MPZL1: variants seen among roughly 807,000 people sequenced by gnomAD.
MPZL1 encodes myelin protein zero like 1.
Under a neutral mutation model 29.3 loss-of-function variants are expected in MPZL1, and 16 were observed. The ratio of observed to expected loss-of-function variants is 0.55; its 90% CI spans 0.37 to 0.83. The LOEUF is 0.83. Among genes scored for constraint, MPZL1 ranks in the 40% least tolerant of loss-of-function variants. MPZL1 has a pLI of 0.00. For synonymous variants in MPZL1, 143 were observed against 132.0 expected (o/e 1.08, Z -0.57); for missense variants, 279 against 332.9 (o/e 0.84, Z 1.26).
intron 1 of MPZL1, among the ~76,000 whole-genome samples, chr1:167,745,502 C>G (rs1336304797): frequency 6.6e-6 from 1 of 152,002 alleles, no homozygotes; most frequent in Non-Finnish European, 1.5e-5. Flanking sequence ...TGGGTTAACA[C>G]TGATGATGCT....
At chr1:167,722,363 G>A (rs1440843682) in intron 1 of MPZL1, 121 bp downstream of exon 1, 2 of 1,224,284 alleles carry the variant, frequency 1.6e-6, no homozygotes, top group Non-Finnish European at 2.0e-6. Context: ...GAGGGGGCGC[G>A]GCCTGCGCTC....
rs1661632882 is a variant in MPZL1, at chr1:167,788,414, T to C, written c.*493T>C. The C allele has an allele frequency of 6.5e-6, 1 of 152,852 alleles. No individual in the cohort carries two copies. The highest frequency in any genetic ancestry group is 1.5e-5 in the Non-Finnish European group (1 of 68,222). The allele number at this position is 152,852 out of a possible 1,614,324, so 9.5% of individuals were successfully genotyped here. ...GGCCTTTAGCACAGTATCAGTACCA[T>C]TTATTTGTCTGCCGCTTTTAAAAAA... is the stretch of plus-strand genomic sequence containing the variant. On this transcript the variant is annotated 3_prime_UTR_variant, in exon 6 of 6. Transcript: ENST00000359523.
At chr1:167,767,859 G>A (rs1007998712) in intron 2 of MPZL1, among the ~76,000 whole-genome samples, 72 of 35,690 alleles carry the variant, frequency 2.0e-3, no homozygotes, top group African/African-American at 0.02. Context: ...TAATCATTTT[G>A]TTTTGTTTTG....
intron 1 of MPZL1, among the ~76,000 whole-genome samples, chr1:167,739,290 T>TATATATATAC (rs1553254301): frequency 1.8e-4 from 17 of 92,742 alleles, no homozygotes; most frequent in African/African-American, 8.7e-4. Context: ...TACATATATA[T>TATATATATAC]ATATATATAT....
At chr1:167,728,358 C>T (rs1212257569) in intron 1 of MPZL1, among the ~76,000 whole-genome samples, 5 of 124,504 alleles carry the variant, frequency 4.0e-5, no homozygotes, top group Non-Finnish European at 4.9e-5. Flanking sequence ...TTCTTTCTTT[C>T]TTTCTTTTTT....
chr1:167,722,228 C>T lies in MPZL1; in HGVS notation c.77C>T (p.Ala26Val), dbSNP rs1042731329. 1.9e-5 allele frequency: 23 copies of T among 1,239,164 alleles called. No individual in the cohort carries two copies. Among genetic ancestry groups the T allele is most frequent in the Admixed American group, 1.3e-4 (3 of 23,660 alleles). 76.8% of individuals were successfully genotyped at this position (1,239,164 alleles called of 1,614,324 possible). A position where few individuals can be genotyped will look rare whatever the true frequency, so the allele number is the denominator to read the frequency against. ...CGCTGGCTGTGGTCGGTGCTGGCGG[C>T]GGCGCTTGGGCTCTGTAAGTGATGC... ...SRRWLWSVLAAALGLLTAGVS... is the reference protein window; with the variant it reads ...SRRWLWSVLAVALGLLTAGVS... Residue 26 changes from alanine to valine, a missense_variant, in exon 1 of 6, where the codon GCG becomes GTG. Ala to Val is a moderately conservative substitution (Grantham distance 64, BLOSUM62 0). Coordinates refer to ENST00000359523, the MANE Select transcript of MPZL1 (RefSeq NM_003953.6).
Position 167,722,118 on chromosome 1 carries a change from C to T in MPZL1, c.-34C>T. The T allele has an allele frequency of 8.2e-7, 1 of 1,218,198 alleles. No individual in the cohort carries two copies. The highest frequency in any genetic ancestry group is 1.0e-6 in the Non-Finnish European group (1 of 977,728). The allele number at this position is 1,218,198 out of a possible 1,614,324, so 75.5% of individuals were successfully genotyped here. On this transcript the variant is annotated 5_prime_UTR_variant, in exon 1 of 6. Transcript: ENST00000359523. ...CAGCGGGGACCCGGGCTCAGGGACG[C>T]GGCGGCGGCGGCGGCGACTGCAGTG...
chr1:167,756,281 T>C (rs1173763737), intron 1 of MPZL1, among the ~76,000 whole-genome samples: 2 of 152,072 alleles, frequency 1.3e-5, no homozygotes, highest in East Asian at 3.9e-4. Flanking sequence ...CCTGAGTAGC[T>C]GAGATCACAG....
Position 167,791,333 on chromosome 1 carries a change from T to C in MPZL1, c.*3412T>C, listed in dbSNP as rs1217852648. The C allele has an allele frequency of 1.3e-5, 2 of 152,158 alleles. No homozygotes were observed. 9.4% of individuals were successfully genotyped at this position (152,158 alleles called of 1,614,324 possible). A position where few individuals can be genotyped will look rare whatever the true frequency, so the allele number is the denominator to read the frequency against. On this transcript the variant is annotated 3_prime_UTR_variant, in exon 6 of 6. Coordinates refer to ENST00000359523, the MANE Select transcript of MPZL1 (RefSeq NM_003953.6). The stretch of plus-strand genomic sequence containing the variant: ...CATTCATCCATTCAGCAACCTACAC[T>C]GAGAACAATCCTGTGCCAAGCACTG...
rs59514030 is a variant in MPZL1 at position 167,748,334 on chromosome 1, C to T, written c.92-17249C>T. ...GTGCCATCTTTTTGATATAGCCATC[C>T]TAGCGAGTGTGAAGTGGTATCTCAT... is the stretch of plus-strand genomic sequence containing the variant. On this transcript the variant is annotated intron_variant, in intron 1 of 5. Coordinates refer to ENST00000359523, the MANE Select transcript of MPZL1 (RefSeq NM_003953.6). 1.7e-3 allele frequency among the ~76,000 whole-genome samples: 256 copies of T among 152,302 alleles called. 2 individuals are homozygous for T. Among genetic ancestry groups the T allele is most frequent in the African/African-American group, 5.7e-3 (239 of 41,580 alleles).
At chr1:167,733,571 C>T (rs1571135199) in intron 1 of MPZL1, among the ~76,000 whole-genome samples, 1 of 152,070 alleles carries the variant, frequency 6.6e-6, no homozygotes, top group African/African-American at 2.4e-5. Flanking sequence ...ATGGCAAAAC[C>T]CCATCTCTAC....
At chr1:167,764,146 A>G (rs1213310478) in intron 1 of MPZL1, among the ~76,000 whole-genome samples, 1 of 152,244 alleles carries the variant, frequency 6.6e-6, no homozygotes, top group Non-Finnish European at 1.5e-5. Context: ...AAAATATGGA[A>G]GATGGGTATT....
intron 1 of MPZL1, among the ~76,000 whole-genome samples, chr1:167,731,914 C>A (rs996517576): frequency 4.6e-5 from 7 of 152,122 alleles, no homozygotes; most frequent in Non-Finnish European, 8.8e-5. Flanking sequence ...TCTGTAACTG[C>A]AAAGCCACAA....
intron 1 of MPZL1, among the ~76,000 whole-genome samples, chr1:167,757,881 G>A (rs1442546307): frequency 2.0e-5 from 3 of 152,166 alleles, no homozygotes; most frequent in African/African-American, 7.2e-5. Flanking sequence ...TGGGTGAGGT[G>A]GCTCACACCT....
intron 5 of MPZL1, among the ~76,000 whole-genome samples, chr1:167,781,774 G>A (rs1019381722): frequency 9.9e-5 from 15 of 152,158 alleles, no homozygotes; most frequent in Admixed American, 4.6e-4. Flanking sequence ...GTAATCTGTC[G>A]CTTCTCTCTG....
At chr1:167,761,298 C>T (rs562034017) in intron 1 of MPZL1, among the ~76,000 whole-genome samples, 1 of 152,176 alleles carries the variant, frequency 6.6e-6, no homozygotes, top group African/African-American at 2.4e-5. Context: ...GTTTATATTG[C>T]TGCTGGTGGT....
At chr1:167,773,088 T>A in intron 3 of MPZL1, 148 bp from the exon 4 acceptor site, 1 of 748,030 alleles carries the variant, frequency 1.3e-6, no homozygotes, top group South Asian at 1.9e-5. Flanking sequence ...TACATAGTAA[T>A]AGGATAGATA....
rs772980354 is a variant in MPZL1, at chr1:167,789,628, T to TTTG, written c.*1710_*1712dup. ...GCCTTTTGTTTTTTGAGGAGCTATT[T>TTTG]TTGTTATTCTTGTAACGCTCCACCT... is the stretch of plus-strand genomic sequence containing the variant. On this transcript the variant is annotated 3_prime_UTR_variant, in exon 6 of 6. Coordinates refer to ENST00000359523, the MANE Select transcript of MPZL1 (RefSeq NM_003953.6). 6.6e-6 allele frequency: 1 copy of TTTG among 152,212 alleles called. No individual in the cohort carries two copies. The highest frequency in any genetic ancestry group is 1.5e-5 in the Non-Finnish European group (1 of 68,050). The allele number at this position is 152,212 out of a possible 1,614,324, so 9.4% of individuals were successfully genotyped here.
intron 4 of MPZL1, chr1:167,774,985 G>A (rs1661335267): frequency 6.6e-6 from 1 of 152,166 alleles, no homozygotes; most frequent in African/African-American, 2.4e-5. Flanking sequence ...TCACATGTTT[G>A]TATTGGAAAC....
Sources: gnomAD v4.1 joint callset for allele counts (sites outside exome capture counted in the v4.1 genomes callset) on GRCh38, gnomAD v4.1.1 for gene constraint, MANE v1.5 for transcripts, NCBI Gene and HGNC (gene_info 2026-07-23, HGNC 2026-07-21) for gene names.